CACNA1C: variants seen among roughly 807,000 people sequenced by gnomAD.
CACNA1C encodes the protein voltage-dependent L-type calcium channel subunit alpha-1C.
CACNA1C carries 30 observed loss-of-function variants against 229.0 expected under a neutral mutation model. That is an observed-to-expected ratio of 0.13 (90% confidence interval 0.10 to 0.18). CACNA1C has a LOEUF of 0.18. Ranked by LOEUF, CACNA1C falls within the 10% of genes least tolerant of loss-of-function variation. The probability of loss-of-function intolerance (pLI) is 1.00; values close to 1 mark genes in which losing one functional copy is unlikely to be tolerated. For missense variants in CACNA1C, 1,658 were observed against 2,845.0 expected, an observed-to-expected ratio of 0.58 and a Z score of 9.49; for synonymous variants, 1,114 against 1,132.5, an observed-to-expected ratio of 0.98 and a Z score of 0.33.
At chr12:2,561,032 CG>C (rs2047199640) in intron 11 of CACNA1C, among the ~76,000 whole-genome samples, 1 of 152,042 alleles carries the variant, frequency 6.6e-6, no homozygotes, top group Admixed American at 6.5e-5. Flanking sequence ...ACAAGAGCTC[CG>C]GGAATCTTCA....
chr12:2,090,310 C>CTTTTTTTTT (rs145675982), intron 1 of CACNA1C, among the ~76,000 whole-genome samples: 20 of 69,198 alleles, frequency 2.9e-4, no homozygotes, highest in East Asian at 5.0e-4. Flanking sequence ...GGATAGACTA[C>CTTTTTTTTT]TTTTTTTTTT....
intron 3 of CACNA1C, among the ~76,000 whole-genome samples, chr12:2,312,117 A>G (rs58853804): frequency 0.076 from 11,574 of 152,234 alleles, 1,246 homozygotes; most frequent in African/African-American, 0.24. Context: ...GTAAAACACC[A>G]GAAACCCATG....
chr12:2,536,203 A>C (rs1408877225), intron 9 of CACNA1C, among the ~76,000 whole-genome samples: 2 of 152,264 alleles, frequency 1.3e-5, no homozygotes, highest in East Asian at 3.8e-4. Flanking sequence ...TGAAGCAGGA[A>C]AGACGGGGCC....
chr12:1,973,115 G>A (rs979466309), intron 1 of CACNA1C, among the ~76,000 whole-genome samples: 2 of 152,194 alleles, frequency 1.3e-5, no homozygotes, highest in African/African-American at 4.8e-5. Context: ...TAGCTTTACT[G>A]ACCAAACACG....
At chr12:2,114,665 A>G (rs773035743) in intron 1 of CACNA1C, among the ~76,000 whole-genome samples, 1 of 152,012 alleles carries the variant, frequency 6.6e-6, no homozygotes, top group Non-Finnish European at 1.5e-5. Flanking sequence ...ATTTTTGTTT[A>G]TTGGAACTCA....
chr12:2,007,214 A>G (rs752144769), intron 1 of CACNA1C, among the ~76,000 whole-genome samples: 4 of 152,222 alleles, frequency 2.6e-5, no homozygotes, highest in Non-Finnish European at 5.9e-5. Flanking sequence ...CGTACATATA[A>G]TGAGGCATTG....
intron 3 of CACNA1C, among the ~76,000 whole-genome samples, chr12:2,380,641 AAGTG>A (rs1807575842): frequency 6.6e-6 from 1 of 152,220 alleles, no homozygotes. Context: ...GGGTTTGTCC[AAGTG>A]AGTATCACAA....
intron 3 of CACNA1C, among the ~76,000 whole-genome samples, chr12:2,446,358 G>T (rs868065846): frequency 3.3e-4 from 48 of 145,104 alleles, no homozygotes; most frequent in African/African-American, 1.2e-3. Context: ...GTATGTATGT[G>T]TGTGGGTGGG....
intron 3 of CACNA1C, among the ~76,000 whole-genome samples, chr12:2,367,347 A>G (rs899782786): frequency 5.3e-5 from 8 of 152,182 alleles, no homozygotes; most frequent in African/African-American, 1.9e-4. Context: ...CAGGTCATGG[A>G]CCGGTACCGG....
At position 2,679,921 on chromosome 12, in the gene CACNA1C, C is replaced by G; in HGVS notation, c.5444+125C>G. On this transcript the variant is annotated intron_variant, in intron 42 of 46. Transcript: ENST00000399655. This position sits in a 1 kb window ranked among gnomAD's most constrained non-coding sequence, Gnocchi z 5.5. Reference sequence around the variant, plus strand: ...CCCTCAAGCTTCCAGGAGGTTGCTGCCCCAGACTCCAGCAAGAGCAGGAGG... The same window carrying G: ...CCCTCAAGCTTCCAGGAGGTTGCTGGCCCAGACTCCAGCAAGAGCAGGAGG... The G allele has an allele frequency of 1.4e-6, 1 of 694,250 alleles. No individual in the cohort carries two copies. Among genetic ancestry groups the G allele is most frequent in the Non-Finnish European group, 2.4e-6 (1 of 414,006 alleles). The allele number at this position is 694,250 out of a possible 1,614,324, so 43.0% of individuals were successfully genotyped here.
At position 2,555,679 on chromosome 12, in the gene CACNA1C, G is replaced by A. The variant is rs368556516; in HGVS notation, c.1482-1272G>A. 6.6e-5 allele frequency among the ~76,000 whole-genome samples: 10 copies of A among 152,236 alleles called. No individual in the cohort carries two copies. In the East Asian group the frequency reaches 1.2e-3, roughly 18 times the overall value. ...TCCAGCCCTCACAGGCAGTCTTTGC[G>A]GGTGGGATGAGGTTATTAGCTAACC... On this transcript the variant is annotated intron_variant, in intron 10 of 46. Transcript: ENST00000399655.
intron 3 of CACNA1C, among the ~76,000 whole-genome samples, chr12:2,125,692 A>G (rs1191382269): frequency 6.6e-6 from 1 of 152,076 alleles, no homozygotes; most frequent in Non-Finnish European, 1.5e-5. Context: ...AATTTTTAAT[A>G]AGCTCCCCTG....
At chr12:2,288,051 A>G (rs2092969556) in intron 3 of CACNA1C, 1 of 151,514 alleles carries the variant, frequency 6.6e-6, no homozygotes, top group African/African-American at 2.4e-5. Context: ...AGAGTTGAAG[A>G]CCCTCAAGAA....
rs185716610 is a variant in CACNA1C, at chr12:2,023,619, A to G, written c.139+52418A>G. On this transcript the variant is annotated intron_variant, in intron 1 of 46. Coordinates refer to the CACNA1C transcript ENST00000682462. ...GAATGCAGGTTTCACAAAAGCAGGC[A>G]GAGGTGCGCTGTTAGTAACTGTTCC... Among the ~76,000 whole-genome samples the G allele has an allele frequency of 4.6e-3, 694 of 152,318 alleles. 5 individuals are homozygous for G. Among genetic ancestry groups the G allele is most frequent in the African/African-American group, 0.016 (654 of 41,574 alleles).
intron 3 of CACNA1C, among the ~76,000 whole-genome samples, chr12:2,167,138 C>T (rs1255727366): frequency 6.6e-6 from 1 of 152,224 alleles, no homozygotes; most frequent in Admixed American, 6.5e-5. Flanking sequence ...ACTCCCTACT[C>T]TCAAGAAAGC....
chr12:2,357,800 G>A lies in CACNA1C; in HGVS notation c.478-91176G>A, dbSNP rs141113445. On this transcript the variant is annotated intron_variant, in intron 3 of 46. Coordinates refer to ENST00000399655, the MANE Select transcript of CACNA1C (RefSeq NM_000719.7). Reference sequence around the variant, plus strand: ...AGCCTGGCCAACATGCGGAAACCCCGTCTCTACTAAAAATACAAAAATTAG... The same window carrying A: ...AGCCTGGCCAACATGCGGAAACCCCATCTCTACTAAAAATACAAAAATTAG... Among the ~76,000 whole-genome samples the A allele has an allele frequency of 6.2e-3, 937 of 151,586 alleles. 10 individuals are homozygous for A. Among genetic ancestry groups the A allele is most frequent in the African/African-American group, 0.022 (890 of 41,292 alleles).
intron 3 of CACNA1C, among the ~76,000 whole-genome samples, chr12:2,343,485 A>G (rs2096920644): frequency 6.6e-6 from 1 of 152,220 alleles, no homozygotes; most frequent in Non-Finnish European, 1.5e-5. Flanking sequence ...GACAACAAAT[A>G]ATTTTTTGTA....
chr12:2,249,204 TA>T (rs1369262674), intron 3 of CACNA1C, among the ~76,000 whole-genome samples: 1 of 152,178 alleles, frequency 6.6e-6, no homozygotes, highest in East Asian at 1.9e-4. Context: ...TTCTCATCTG[TA>T]AAGTGAGTAT....
upstream of CACNA1C, among the ~76,000 whole-genome samples, chr12:2,052,502 G>C (rs1052195524): frequency 2.6e-5 from 4 of 151,690 alleles, no homozygotes; most frequent in African/African-American, 9.7e-5. Flanking sequence ...CGGCGTGGCC[G>C]GCCCAGCAGG....
Sources: allele counts gnomAD v4.1 joint callset (sites outside exome capture counted in the v4.1 genomes callset), GRCh38; gene constraint gnomAD v4.1.1; non-coding constraint Gnocchi (gnomAD v3.1); transcripts MANE v1.5; gene names NCBI Gene and HGNC (gene_info 2026-07-23, HGNC 2026-07-21).